Variants in ASB10 observed in about 807,000 individuals in gnomAD.
ASB10 encodes the protein ankyrin repeat and SOCS box containing 10, also known as ankyrin repeat and SOCS box protein 10.
A neutral mutation model predicts 35.4 loss-of-function variants in ASB10; 44 were observed. The observed-to-expected ratio is 1.24, with a 90% CI of 0.98 to 1.60. The LOEUF (loss-of-function observed/expected upper bound fraction) is 1.60. Ranked by LOEUF, ASB10 falls within the 40% of genes most tolerant of loss-of-function variation. The pLI, the probability that ASB10 is intolerant of heterozygous loss-of-function variation, is 0.00. For missense variants in ASB10, 647 were observed against 634.3 expected, an observed-to-expected ratio of 1.02 and a Z score of -0.22; for synonymous variants, 294 against 280.4, an observed-to-expected ratio of 1.05 and a Z score of -0.49.
At chr7:151,182,266 G>A (rs1273612127) in intron 2 of ASB10, among the ~76,000 whole-genome samples, 7 of 152,166 alleles carry the variant, frequency 4.6e-5, no homozygotes, top group Admixed American at 4.6e-4. Context: ...ACATGGAAAT[G>A]GGGCAGTGGG....
intron 3 of ASB10, among the ~76,000 whole-genome samples, chr7:151,178,951 C>T (rs540054020): frequency 1.3e-5 from 2 of 152,294 alleles, no homozygotes; most frequent in South Asian, 2.1e-4. Context: ...TCAAGTAGCT[C>T]GCTGTGTCTG....
chr7:151,181,107 C>T lies in ASB10; in HGVS notation c.936G>A (p.Leu312=). 3 of 1,612,310 alleles carry T rather than the reference C, an allele frequency of 1.9e-6. No individual in the cohort carries two copies. Among genetic ancestry groups the T allele is most frequent in the Non-Finnish European group, 2.5e-6 (3 of 1,179,680 alleles). ...TGGCGCTGACACCACAGGACAGGAG[C>T]AGCTCCACGACAGCTGCATGGCCAC... ...CRRGHAAVVE[L]LLSCGVSANT... is the part of the protein sequence containing the mutation. The change falls in exon 3 of 6, where the codon CTG becomes CTA. Residue 312 remains leucine, a synonymous_variant. Coordinates refer to ENST00000420175, the MANE Select transcript of ASB10 (RefSeq NM_001142459.2).
chr7:151,177,058 T>C (rs1801403210), intron 3 of ASB10, among the ~76,000 whole-genome samples: 1 of 152,216 alleles, frequency 6.6e-6, no homozygotes, highest in African/African-American at 2.4e-5. Context: ...ATGGAACAGA[T>C]TCTCCCTCAG....
chr7:151,175,881 G>A lies in ASB10; in HGVS notation c.*86C>T. 5.8e-6 allele frequency: 3 copies of A among 518,860 alleles called. No individual in the cohort carries two copies. In the South Asian group the frequency reaches 9.3e-5, roughly 16 times the overall value. The allele number at this position is 518,860 out of a possible 1,614,324, so 32.1% of individuals were successfully genotyped here. A position where few individuals can be genotyped will look rare whatever the true frequency, so the allele number is the denominator to read the frequency against. ...GCGGAGCTGGGCCTCCTGCTGCCAG[G>A]GCTACCTGGCCTGAGTTAGTGCAGA... On this transcript the variant is annotated 3_prime_UTR_variant, in exon 6 of 6. Coordinates refer to ENST00000420175, the MANE Select transcript of ASB10 (RefSeq NM_001142459.2).
intron 2 of ASB10, among the ~76,000 whole-genome samples, chr7:151,183,663 ACCACCT>A (rs1235459553): frequency 6.6e-6 from 1 of 151,992 alleles, no homozygotes. Flanking sequence ...TTGGCTCACT[ACCACCT>A]CCACCTCCGG....
At chr7:151,181,890 GGC>G (rs1801503128) in intron 2 of ASB10, among the ~76,000 whole-genome samples, 2 of 152,150 alleles carry the variant, frequency 1.3e-5, no homozygotes, top group South Asian at 4.1e-4. Context: ...CTGGATTATA[GGC>G]ATGAGCCACT....
chr7:151,186,272 C>G (rs140974362), intron 2 of ASB10, 120 bp downstream of exon 2: 1 of 1,286,504 alleles, frequency 7.8e-7, no homozygotes, highest in Non-Finnish European at 1.1e-6. Context: ...CACCCTGACC[C>G]GCGCCCCAAG....
At position 151,187,072 on chromosome 7, in the gene ASB10, C is replaced by T; in HGVS notation, c.59G>A (p.Arg20Lys). 6.2e-7 allele frequency: 1 copy of T among 1,608,086 alleles called. No individual in the cohort carries two copies. The highest frequency in any genetic ancestry group is 8.5e-7 in the Non-Finnish European group (1 of 1,177,438). The change falls in exon 1 of 6, where the codon AGA becomes AAA. Residue 20 changes from arginine to lysine, a missense_variant. Physicochemically the swap from Arg to Lys is conservative, Grantham distance 26. Coordinates refer to ENST00000420175, the MANE Select transcript of ASB10 (RefSeq NM_001142459.2). This position sits in a 1 kb window ranked among gnomAD's most constrained non-coding sequence, Gnocchi z 5.3. The stretch of plus-strand genomic sequence containing the variant: ...CACCAGCCTGGCACAGAGGGGGTGT[C>T]TGTCATCGAGGGGCTCTCCCTGCCC... Reference protein sequence around the residue: ...CKGQGEPLDDRHPLCARLVEK... With the variant: ...CKGQGEPLDDKHPLCARLVEK...
intron 2 of ASB10, among the ~76,000 whole-genome samples, chr7:151,181,703 C>G (rs907060998): frequency 6.6e-6 from 1 of 151,926 alleles, no homozygotes; most frequent in African/African-American, 2.4e-5. Flanking sequence ...ACCTCCACCT[C>G]CCGGGTTCAA....
chr7:151,176,627 T>C lies in ASB10; in HGVS notation c.1154A>G (p.Asn385Ser). ...TCPRTIEVLM[N>S]TYSVVQLPEE... is the part of the protein sequence containing the mutation. ...GGGAAGCTGCACAACACTGTAGGTG[T>C]TCATCAGGACCTCGATGGTCCGAGG... Residue 385 changes from asparagine to serine, a missense_variant, in exon 4 of 6, where the codon AAC (asparagine) becomes AGC (serine). Coordinates refer to ENST00000420175, the MANE Select transcript of ASB10 (RefSeq NM_001142459.2). 1.3e-6 allele frequency: 2 copies of C among 1,551,380 alleles called. No homozygotes were observed. The highest frequency in any genetic ancestry group is 1.2e-5 in the South Asian group (1 of 84,064).
upstream of ASB10, chr7:151,187,253 C>T: frequency 6.6e-7 from 1 of 1,518,930 alleles, no homozygotes; most frequent in Non-Finnish European, 8.9e-7. The surrounding 1 kb of genome is among the most constrained non-coding windows in gnomAD (Gnocchi z 5.3). Context: ...CCGAGGCTGA[C>T]CTGGCCACGC....
chr7:151,187,469 C>T (rs547090299), upstream of ASB10: 12 of 1,551,290 alleles, frequency 7.7e-6, no homozygotes, highest in African/African-American at 1.4e-4. This position sits in a 1 kb window ranked among gnomAD's most constrained non-coding sequence, Gnocchi z 5.3. Flanking sequence ...GTGGCTGCTC[C>T]AGCGAGGCTC....
At chr7:151,180,710 C>A (rs573054887) in intron 3 of ASB10, among the ~76,000 whole-genome samples, 2 of 152,182 alleles carry the variant, frequency 1.3e-5, no homozygotes, top group Admixed American at 1.3e-4. Context: ...TGTATACACA[C>A]GCACACCATG....
intron 3 of ASB10, among the ~76,000 whole-genome samples, chr7:151,180,361 G>A (rs1363109502): frequency 6.6e-6 from 1 of 152,190 alleles, no homozygotes; most frequent in Non-Finnish European, 1.5e-5. Context: ...CAGCTGTTCT[G>A]GGGGCTGTGG....
chr7:151,187,194 A>C lies in ASB10; in HGVS notation c.-64T>G. The C allele has an allele frequency of 1.3e-6, 2 of 1,547,880 alleles. No homozygotes were observed. Among genetic ancestry groups the C allele is most frequent in the East Asian group, 2.4e-5 (1 of 40,966 alleles). ...ATGCCAAAGGCAGAGAGAGAGAGAG[A>C]GAGCAGGAGGGAAATACAGACAGAC... On this transcript the variant is annotated 5_prime_UTR_variant, in exon 1 of 6. Transcript: ENST00000420175. The surrounding 1 kb of genome is among the most constrained non-coding windows in gnomAD (Gnocchi z 5.3).
upstream of ASB10, chr7:151,187,719 G>T: frequency 2.0e-6 from 3 of 1,467,976 alleles, no homozygotes; most frequent in Non-Finnish European, 2.7e-6. The surrounding 1 kb of genome is among the most constrained non-coding windows in gnomAD (Gnocchi z 5.3). Flanking sequence ...TTTCCCCAGG[G>T]CATGGCTTGT....
At chr7:151,176,978 T>C (rs1801401312) in intron 3 of ASB10, among the ~76,000 whole-genome samples, 1 of 151,438 alleles carries the variant, frequency 6.6e-6, no homozygotes, top group African/African-American at 2.4e-5. Context: ...GACAGTGGAG[T>C]GGAGTGACAC....
rs1032369198 is a variant in ASB10 at position 151,186,291 on chromosome 7, G to T, written c.584+101C>A. On this transcript the variant is annotated intron_variant, in intron 2 of 5. Coordinates refer to ENST00000420175, the MANE Select transcript of ASB10 (RefSeq NM_001142459.2). ...CTGACCCGCGCCCCAAGCCTGGACT[G>T]CTCTGTCCCAGGTCCCTGACATTTT... The T allele has an allele frequency of 9.6e-5, 135 of 1,406,394 alleles. No individual in the cohort carries two copies. The Admixed American group carries it at 3.2e-3, about 33-fold the overall frequency. The allele number at this position is 1,406,394 out of a possible 1,614,324, so 87.1% of individuals were successfully genotyped here.
Position 151,176,133 on chromosome 7 carries a change from A to G in ASB10, c.1383T>C (p.Asp461=), listed in dbSNP as rs1260081747. The change falls in exon 5 of 6, where the codon GAT becomes GAC. Residue 461 remains aspartate (D), a synonymous_variant. Transcript: ENST00000420175. ...PPRLLRYLQL[D]FEGVLY is the part of the protein sequence containing the mutation. Reference sequence around the variant, plus strand: ...TCACCTAGTAGAGCACGCCCTCAAAATCCAGCTGCAGGTAGCGGAGCAGGC... The same window carrying G: ...TCACCTAGTAGAGCACGCCCTCAAAGTCCAGCTGCAGGTAGCGGAGCAGGC... 6.2e-7 allele frequency: 1 copy of G among 1,611,578 alleles called. No individual in the cohort carries two copies. Among genetic ancestry groups the G allele is most frequent in the Non-Finnish European group, 8.5e-7 (1 of 1,179,766 alleles).
Sources: gnomAD v4.1 joint callset for allele counts (sites outside exome capture counted in the v4.1 genomes callset) on GRCh38, gnomAD v4.1.1 for gene constraint, Gnocchi (gnomAD v3.1) non-coding constraint, MANE v1.5 for transcripts, NCBI Gene and HGNC (gene_info 2026-07-23, HGNC 2026-07-21) for gene names.